Variants in XDH observed in about 807,000 individuals in gnomAD.
The protein encoded by XDH is xanthine dehydrogenase.
In XDH, 138 loss-of-function variants were observed where a neutral mutation model predicts 156.1. The ratio of observed to expected loss-of-function variants is 0.88; its 90% CI spans 0.77 to 1.02. The LOEUF (loss-of-function observed/expected upper bound fraction) is 1.02, where lower values mean the gene tolerates loss of function less well. Among genes scored for constraint, XDH ranks in the 50% least tolerant of loss-of-function variants. XDH has a pLI of 0.00. For synonymous variants in XDH, 669 were observed against 625.7 expected (o/e 1.07, Z -1.03); for missense variants, 1,849 against 1,684.9 (o/e 1.10, Z -1.71).
intron 34 of XDH, among the ~76,000 whole-genome samples, chr2:31,338,568 G>A (rs1195125934): frequency 1.3e-5 from 2 of 152,122 alleles, no homozygotes; most frequent in African/African-American, 4.8e-5. Flanking sequence ...GCAAATGGAT[G>A]TTTCTTTGGT....
At chr2:31,410,306 G>C (rs933490487) in intron 1 of XDH, among the ~76,000 whole-genome samples, 1 of 152,054 alleles carries the variant, frequency 6.6e-6, no homozygotes, top group Non-Finnish European at 1.5e-5. Flanking sequence ...CGGTGATGAT[G>C]GTTGCCCAAT....
chr2:31,375,056 G>A (rs45576138), intron 15 of XDH, among the ~76,000 whole-genome samples: 4,611 of 100,520 alleles, frequency 0.046, 105 homozygotes, highest in Middle Eastern at 0.15. Flanking sequence ...ACAGAGTTTC[G>A]CTCTTGTAGC....
chr2:31,358,207 CA>C (rs1685677658), intron 24 of XDH, among the ~76,000 whole-genome samples: 1 of 152,044 alleles, frequency 6.6e-6, no homozygotes, highest in Non-Finnish European at 1.5e-5. Flanking sequence ...CACTCCTCAG[CA>C]AATGTAAAAG....
chr2:31,348,344 A>C lies in XDH; in HGVS notation c.3071T>G (p.Val1024Gly). 6.2e-7 allele frequency: 1 copy of C among 1,614,226 alleles called. No individual in the cohort carries two copies. Among genetic ancestry groups the C allele is most frequent in the Non-Finnish European group, 8.5e-7 (1 of 1,180,048 alleles). ...CAGCAGCACAGAGCCATCTGTGTAC[A>C]CATGAAGTAGGGCTCCTGCCTAGGG... ...FLNQAGALLHVYTDGSVLLTH... is the reference protein window; with the variant it reads ...FLNQAGALLHGYTDGSVLLTH... The change falls in exon 28 of 36, where the codon GTG (valine) becomes GGG (glycine). Residue 1024 changes from valine to glycine, a missense_variant. Transcript: ENST00000379416.
chr2:31,366,341 A>T (rs1685915021), intron 21 of XDH, among the ~76,000 whole-genome samples: 1 of 152,138 alleles, frequency 6.6e-6, no homozygotes, highest in Non-Finnish European at 1.5e-5. Flanking sequence ...ACTTTTAGAA[A>T]CTTATTCTGT....
At chr2:31,350,344 T>G in intron 24 of XDH, 121 bp from the exon 25 acceptor site, 2 of 709,480 alleles carry the variant, frequency 2.8e-6, no homozygotes, top group Non-Finnish European at 4.9e-6. Flanking sequence ...AAGTTATTTC[T>G]CCCCCAGGAT....
At chr2:31,378,159 GAA>G (rs1686321719) in intron 13 of XDH, among the ~76,000 whole-genome samples, 1 of 119,078 alleles carries the variant, frequency 8.4e-6, no homozygotes, top group Non-Finnish European at 1.9e-5. Context: ...AGGAAGGAAG[GAA>G]GGAAGGAAGG....
intron 18 of XDH, 78 bp from the exon 19 acceptor site, chr2:31,368,738 C>T (rs1685991296): frequency 1.2e-6 from 2 of 1,612,658 alleles, no homozygotes; most frequent in Non-Finnish European, 1.7e-6. Context: ...GTTCAAAAAG[C>T]CAAAAGAAGT....
intron 29 of XDH, among the ~76,000 whole-genome samples, chr2:31,347,173 G>C (rs1685320631): frequency 1.3e-5 from 2 of 152,164 alleles, no homozygotes; most frequent in African/African-American, 4.8e-5. Flanking sequence ...TGGCAGAGGA[G>C]CCAGTGTGGC....
intron 5 of XDH, 129 bp downstream of exon 5, chr2:31,398,444 C>G: frequency 6.5e-7 from 1 of 1,544,254 alleles, no homozygotes; most frequent in Non-Finnish European, 8.9e-7. Context: ...TTAGTCACCA[C>G]CTTGTTGGGG....
chr2:31,403,228 C>A lies in XDH; in HGVS notation c.101-84G>T, dbSNP rs206797. On this transcript the variant is annotated intron_variant, in intron 2 of 35. Transcript: ENST00000379416. The stretch of plus-strand genomic sequence containing the variant: ...GGAAATGCCTGGGCAGAGCTGTGGG[C>A]AGAGCCATTCATTCCCACACGTGCT... The A allele has an allele frequency of 0.033, 47,754 of 1,447,564 alleles. 1,243 individuals carry two copies. Among genetic ancestry groups the A allele is most frequent in the African/African-American group, 0.1 (7,252 of 71,976 alleles). The allele number at this position is 1,447,564 out of a possible 1,614,324, so 89.7% of individuals were successfully genotyped here.
At position 31,379,885 on chromosome 2, in the gene XDH, C is replaced by G. The variant is rs1432462150; in HGVS notation, c.1224G>C (p.Glu408Asp). 6.2e-7 allele frequency: 1 copy of G among 1,614,086 alleles called. No homozygotes were observed. Among genetic ancestry groups the G allele is most frequent in the African/African-American group, 1.3e-5 (1 of 74,932 alleles). ...LSPEEILLSIEIPYSREGEYF... is the reference protein window; with the variant it reads ...LSPEEILLSIDIPYSREGEYF... ...ATCTCACCTCCCTGCTGTAGGGGAT[C>G]TCTATGGAGAGCAGTATCTCCTCCG... Residue 408 changes from glutamate to aspartate, a missense_variant, in exon 13 of 36, where the codon GAG (glutamate) becomes GAC (aspartate). Coordinates refer to ENST00000379416, the MANE Select transcript of XDH (RefSeq NM_000379.4).
At chr2:31,353,297 A>G (rs928082277) in intron 24 of XDH, among the ~76,000 whole-genome samples, 3 of 152,138 alleles carry the variant, frequency 2.0e-5, no homozygotes, top group African/African-American at 4.8e-5. Context: ...AGGAGCATCA[A>G]CTGAGACTAA....
rs545203381 is a variant in XDH at position 31,399,669 on chromosome 2, A to T, written c.307-970T>A. Among the ~76,000 whole-genome samples, 14 of 152,326 alleles carry T rather than the reference A, an allele frequency of 9.2e-5. No individual in the cohort carries two copies. In the South Asian group the frequency reaches 2.9e-3, roughly 32 times the overall value. On this transcript the variant is annotated intron_variant, in intron 4 of 35. Coordinates refer to ENST00000379416, the MANE Select transcript of XDH (RefSeq NM_000379.4). ...AGAGGGACCCTGTGGGAGATAACTG[A>T]ATCATGGGGGTGGTTCCCCCATCCT...
chr2:31,381,535 A>G, intron 12 of XDH, 98 bp downstream of exon 12: 1 of 1,226,290 alleles, frequency 8.2e-7, no homozygotes, highest in Non-Finnish European at 1.2e-6. Context: ...AAGCTGGGTC[A>G]CTGAACTTTG....
chr2:31,392,441 T>C (rs1473300360), intron 6 of XDH, among the ~76,000 whole-genome samples: 4 of 152,034 alleles, frequency 2.6e-5, no homozygotes, highest in South Asian at 4.1e-4. Context: ...ATTTATTTAT[T>C]TGAAATGGAG....
intron 24 of XDH, among the ~76,000 whole-genome samples, chr2:31,355,410 T>C (rs188606786): frequency 6.6e-6 from 1 of 152,122 alleles, no homozygotes; most frequent in Non-Finnish European, 1.5e-5. Flanking sequence ...AATTGTCTGA[T>C]AGTTGAAACA....
chr2:31,366,731 G>A (rs1308649828), intron 21 of XDH, 139 bp downstream of exon 21: 2 of 1,342,654 alleles, frequency 1.5e-6, no homozygotes, highest in Non-Finnish European at 2.1e-6. Context: ...GAAAGAGTCT[G>A]GCTCCAGGAC....
intron 17 of XDH, 58 bp downstream of exon 17, chr2:31,372,170 G>T: frequency 6.2e-7 from 1 of 1,613,118 alleles, no homozygotes; most frequent in Non-Finnish European, 8.5e-7. Context: ...AGTCTCCTGG[G>T]TACTCCCAGT....
Sources: gnomAD v4.1 joint callset for allele counts (sites outside exome capture counted in the v4.1 genomes callset) on GRCh38, gnomAD v4.1.1 for gene constraint, MANE v1.5 for transcripts, NCBI Gene and HGNC (gene_info 2026-07-23, HGNC 2026-07-21) for gene names.